BIRC6: variants seen among roughly 807,000 people sequenced by gnomAD.
BIRC6 encodes dual E2 ubiquitin-conjugating enzyme/E3 ubiquitin-protein ligase BIRC6.
BIRC6 carries 98 observed loss-of-function variants against 503.3 expected under a neutral mutation model. The observed-to-expected ratio is 0.19, with a 90% CI of 0.17 to 0.23. BIRC6 has a LOEUF of 0.23. Among genes scored for constraint, BIRC6 ranks in the 10% least tolerant of loss-of-function variants. The probability of loss-of-function intolerance (pLI) is 1.00; values close to 1 mark genes in which losing one functional copy is unlikely to be tolerated. For missense variants in BIRC6, 5,360 were observed against 5,806.0 expected, an observed-to-expected ratio of 0.92 and a Z score of 2.50; for synonymous variants, 2,240 against 2,078.7, an observed-to-expected ratio of 1.08 and a Z score of -2.11.
intron 10 of BIRC6, 82 bp downstream of exon 10, chr2:32,416,245 T>TAC: frequency 7.5e-7 from 1 of 1,339,930 alleles, no homozygotes; most frequent in Non-Finnish European, 1.0e-6. Flanking sequence ...AGTATGAATT[T>TAC]TAGGTTCAAA....
chr2:32,616,480 C>T (rs2063246210), intron 73 of BIRC6, among the ~76,000 whole-genome samples: 2 of 144,618 alleles, frequency 1.4e-5, no homozygotes, highest in Admixed American at 7.2e-5. Flanking sequence ...GAATTGCTTG[C>T]GTCTGGGAGG....
Position 32,504,906 on chromosome 2 carries a change from C to T in BIRC6, c.9500-99C>T, listed in dbSNP as rs1478250895. The stretch of plus-strand genomic sequence containing the variant: ...TACCAGCATCAATTGTTCATGTTTT[C>T]AATTAATTTTTCTAGTTTAATTGTA... On this transcript the variant is annotated intron_variant, in intron 49 of 73. Coordinates refer to ENST00000421745, the MANE Select transcript of BIRC6 (RefSeq NM_016252.4). 8.2e-6 allele frequency: 9 copies of T among 1,093,814 alleles called. No individual in the cohort carries two copies. The African/African-American group carries it at 1.4e-4, about 17-fold the overall frequency. The allele number at this position is 1,093,814 out of a possible 1,614,324, so 67.8% of individuals were successfully genotyped here.
intron 5 of BIRC6, among the ~76,000 whole-genome samples, chr2:32,393,758 C>G (rs1456404253): frequency 2.0e-5 from 3 of 152,140 alleles, no homozygotes; most frequent in Non-Finnish European, 4.4e-5. Context: ...TGGGCTCAGG[C>G]AGTTTGCCTG....
At chr2:32,532,311 A>G (rs1046768393) in intron 61 of BIRC6, 9 of 470,768 alleles carry the variant, frequency 1.9e-5, no homozygotes, top group Non-Finnish European at 4.0e-5. Context: ...TCAAGATATC[A>G]GCAGGGCCAT....
At position 32,515,954 on chromosome 2, in the gene BIRC6, T is replaced by G. The variant is rs534010076; in HGVS notation, c.11349+184T>G. ...ATGCTGTCACTGGAATCACTTATTC[T>G]TTATGATGAGATGACTAGCAGATGC... On this transcript the variant is annotated intron_variant, in intron 55 of 73. Coordinates refer to ENST00000421745, the MANE Select transcript of BIRC6 (RefSeq NM_016252.4). Among the ~76,000 whole-genome samples the G allele has an allele frequency of 3.3e-5, 5 of 152,348 alleles. No homozygotes were observed. In the East Asian group the frequency reaches 9.6e-4, roughly 29 times the overall value.
At chr2:32,462,976 A>C (rs1244614573) in intron 23 of BIRC6, among the ~76,000 whole-genome samples, 2 of 151,246 alleles carry the variant, frequency 1.3e-5, no homozygotes, top group Non-Finnish European at 2.9e-5. Flanking sequence ...AAAAAAAGTC[A>C]TTCCTGTATT....
rs151258219 is a variant in BIRC6 at position 32,410,725 on chromosome 2, G to T, written c.1478-4044G>T. 5.3e-3 allele frequency among the ~76,000 whole-genome samples: 805 copies of T among 151,242 alleles called. 10 individuals are homozygous for T. Among genetic ancestry groups the T allele is most frequent in the African/African-American group, 0.018 (758 of 41,186 alleles). ...ACTTCTTTTTTTTTTTTTTGAAATG[G>T]AGTCTCGCTCTGTCGCCCAGGCTGG... is the stretch of plus-strand genomic sequence containing the variant. On this transcript the variant is annotated intron_variant, in intron 9 of 73. Coordinates refer to ENST00000421745, the MANE Select transcript of BIRC6 (RefSeq NM_016252.4).
chr2:32,443,417 A>T, intron 19 of BIRC6, 74 bp from the exon 20 acceptor site: 3 of 990,284 alleles, frequency 3.0e-6, no homozygotes, highest in Middle Eastern at 2.3e-4. Flanking sequence ...ATTTTTAGGT[A>T]CCACACCAGG....
At chr2:32,561,322 A>G (rs769248374) in intron 65 of BIRC6, among the ~76,000 whole-genome samples, 94 of 149,280 alleles carry the variant, frequency 6.3e-4, no homozygotes, top group Non-Finnish European at 1.1e-3. Context: ...GCTCACTGCA[A>G]CCTCCACTTC....
chr2:32,596,460 C>G lies in BIRC6; in HGVS notation c.13613-1291C>G, dbSNP rs983128452. ...CTCCAGTCTGGGCGACAGAGCAAGT[C>G]TCCATCTCAAAAAAAAAAAAAAAAA... On this transcript the variant is annotated intron_variant, in intron 68 of 73. Transcript: ENST00000421745. 2.8e-5 allele frequency among the ~76,000 whole-genome samples: 3 copies of G among 106,034 alleles called. No homozygotes were observed. The Admixed American group carries it at 3.5e-4, about 12-fold the overall frequency. The allele number at this position is 106,034 out of a possible 152,430, so 69.6% of individuals were successfully genotyped here.
intron 32 of BIRC6, among the ~76,000 whole-genome samples, chr2:32,472,027 T>G (rs1040677246): frequency 2.0e-5 from 3 of 152,206 alleles, no homozygotes. Flanking sequence ...TTTACTCAGT[T>G]GTAGGATATA....
intron 65 of BIRC6, among the ~76,000 whole-genome samples, chr2:32,554,911 A>G (rs1486159120): frequency 1.3e-5 from 2 of 152,108 alleles, no homozygotes; most frequent in South Asian, 2.1e-4. Flanking sequence ...AGTTACATCA[A>G]AGTAAATGTG....
At position 32,480,621 on chromosome 2, in the gene BIRC6, C is replaced by CTTTTTTTTTTTT. The variant is rs560251664; in HGVS notation, c.7409-673_7409-662dup. Among the ~76,000 whole-genome samples, 38 of 60,738 alleles carry CTTTTTTTTTTTT rather than the reference C, an allele frequency of 6.3e-4. 4 individuals are homozygous for CTTTTTTTTTTTT. The highest frequency in any genetic ancestry group is 2.5e-3 in the East Asian group (2 of 816). The allele number at this position is 60,738 out of a possible 152,430, so 39.8% of individuals were successfully genotyped here. On this transcript the variant is annotated intron_variant, in intron 37 of 73. Coordinates refer to ENST00000421745, the MANE Select transcript of BIRC6 (RefSeq NM_016252.4). ...CATAACAGAAAAATAAGGTAAATGG[C>CTTTTTTTTTTTT]TTTTTTTTTTTTTTTTTTTTTTTTT...
chr2:32,579,554 TGGG>T (rs1299953012), intron 66 of BIRC6, among the ~76,000 whole-genome samples: 2 of 152,042 alleles, frequency 1.3e-5, no homozygotes, highest in Non-Finnish European at 2.9e-5. Context: ...GTCAATATCG[TGGG>T]CTGCACCTGT....
chr2:32,547,588 G>A (rs1475425274), intron 63 of BIRC6, among the ~76,000 whole-genome samples: 1 of 151,970 alleles, frequency 6.6e-6, no homozygotes, highest in East Asian at 1.9e-4. Flanking sequence ...TCCATTCATC[G>A]GTTGGCATCT....
chr2:32,500,856 C>CCTT (rs2053102461), intron 46 of BIRC6, among the ~76,000 whole-genome samples: 1 of 151,966 alleles, frequency 6.6e-6, no homozygotes, highest in Non-Finnish European at 1.5e-5. Flanking sequence ...CTGCCCACCT[C>CCTT]AGCCTCCGAA....
intron 9 of BIRC6, among the ~76,000 whole-genome samples, chr2:32,412,569 A>AAAT (rs1392043307): frequency 2.6e-5 from 4 of 152,222 alleles, no homozygotes; most frequent in Non-Finnish European, 5.9e-5. Context: ...GTGTGGCTTT[A>AAAT]AATGAAATAA....
intron 66 of BIRC6, among the ~76,000 whole-genome samples, chr2:32,579,807 G>T (rs747610982): frequency 6.6e-6 from 1 of 151,626 alleles, no homozygotes; most frequent in Non-Finnish European, 1.5e-5. Flanking sequence ...GATTAACACT[G>T]ATAGGTGAGA....
chr2:32,446,771 T>TTTTA (rs1491460454), intron 21 of BIRC6, among the ~76,000 whole-genome samples: 8 of 110,672 alleles, frequency 7.2e-5, no homozygotes, highest in South Asian at 3.1e-4. Context: ...TTTTTTTTTT[T>TTTTA]ATTGATCATT....
Sources: gnomAD v4.1 joint callset for allele counts (sites outside exome capture counted in the v4.1 genomes callset) on GRCh38, gnomAD v4.1.1 for gene constraint, MANE v1.5 for transcripts, NCBI Gene and HGNC (gene_info 2026-07-23, HGNC 2026-07-21) for gene names.